Variants in EPM2A observed in about 807,000 individuals in gnomAD.
EPM2A encodes the protein EPM2A glucan phosphatase, laforin.
EPM2A carries 21 observed loss-of-function variants against 26.5 expected under a neutral mutation model. That is an observed-to-expected ratio of 0.79 (90% CI 0.56 to 1.14). The LOEUF is 1.14. Ranked by LOEUF, EPM2A falls within the 50% of genes most tolerant of loss-of-function variation. EPM2A has a pLI of 0.00. For missense variants in EPM2A, 458 were observed against 440.8 expected, an observed-to-expected ratio of 1.04 and a Z score of -0.35; for synonymous variants, 217 against 177.6, an observed-to-expected ratio of 1.22 and a Z score of -1.76.
In EPM2A at chr6:145,586,820, GC is replaced by G. The variant is rs554033655; in HGVS notation, c.340+48424del. ...AGATATGTCTTCAACCCAAAAAAATGCATTCTGCTTACTCTACTTAAAACGA... is the reference window on the plus strand; with the variant it reads ...AGATATGTCTTCAACCCAAAAAAATGATTCTGCTTACTCTACTTAAAACGA... On this transcript the variant is annotated intron_variant, in intron 2 of 3. Coordinates refer to the EPM2A transcript ENST00000450221. Among the ~76,000 whole-genome samples the G allele has an allele frequency of 1.6e-4, 24 of 152,236 alleles. No homozygotes were observed. The South Asian group carries it at 3.5e-3, about 22-fold the overall frequency.
intron 2 of EPM2A, among the ~76,000 whole-genome samples, chr6:145,506,825 A>G (rs1779981946): frequency 6.6e-6 from 1 of 152,178 alleles, no homozygotes; most frequent in Non-Finnish European, 1.5e-5. Context: ...CCTATTTCTG[A>G]TCTTGTTTCA....
At chr6:145,683,366 A>G (rs1294639767) in intron 2 of EPM2A, among the ~76,000 whole-genome samples, 1 of 146,170 alleles carries the variant, frequency 6.8e-6, no homozygotes, top group Non-Finnish European at 1.5e-5. Context: ...TATATTATTT[A>G]TTATTTTAAT....
intron 4 of EPM2A, among the ~76,000 whole-genome samples, chr6:145,469,154 A>T (rs1045288783): frequency 5.9e-5 from 9 of 152,102 alleles, no homozygotes; most frequent in African/African-American, 1.9e-4. Context: ...CACCCTCTTT[A>T]CAAGGCAGCA....
At chr6:145,384,957 G>A (rs1469272582) in intron 4 of EPM2A, among the ~76,000 whole-genome samples, 1 of 147,486 alleles carries the variant, frequency 6.8e-6, no homozygotes, top group Admixed American at 6.9e-5. Context: ...AATCTTATCT[G>A]GAGAAATTGA....
chr6:145,460,978 G>C (rs1252742532), intron 4 of EPM2A, among the ~76,000 whole-genome samples: 2 of 152,110 alleles, frequency 1.3e-5, no homozygotes, highest in South Asian at 2.1e-4. Flanking sequence ...GTAATTAGTG[G>C]TTTTTATTCC....
chr6:145,612,707 T>C (rs1311048966), intron 2 of EPM2A, among the ~76,000 whole-genome samples: 1 of 148,166 alleles, frequency 6.7e-6, no homozygotes, highest in Non-Finnish European at 1.5e-5. Flanking sequence ...AAGAGTACAA[T>C]ATTATTTATA....
Position 145,408,179 on chromosome 6 carries a change from C to T in EPM2A, c.556-24082G>A, listed in dbSNP as rs143703381. 4.6e-5 allele frequency among the ~76,000 whole-genome samples: 7 copies of T among 152,240 alleles called. No individual in the cohort carries two copies. In the East Asian group the frequency reaches 9.7e-4, roughly 21 times the overall value. ...TACTGCACACCATTGGGGTTATTTG[C>T]TATTATACAAATAACACTGCATTTT... On this transcript the variant is annotated intron_variant, in intron 4 of 4. Transcript: ENST00000638717.
intron 4 of EPM2A, among the ~76,000 whole-genome samples, chr6:145,438,366 T>C (rs1779016306): frequency 6.6e-6 from 1 of 152,174 alleles, no homozygotes; most frequent in South Asian, 2.1e-4. Flanking sequence ...GCTATTATAT[T>C]CTGAGTCTGG....
intron 4 of EPM2A, among the ~76,000 whole-genome samples, chr6:145,475,837 C>T (rs1441053583): frequency 6.6e-6 from 1 of 151,562 alleles, no homozygotes; most frequent in Non-Finnish European, 1.5e-5. Context: ...ATAATATCAC[C>T]AGAGAAAATC....
intron 4 of EPM2A, among the ~76,000 whole-genome samples, chr6:145,444,170 C>A (rs564861950): frequency 6.6e-6 from 1 of 152,136 alleles, no homozygotes; most frequent in Non-Finnish European, 1.5e-5. Flanking sequence ...ACATCTTTGA[C>A]TTGTTCTGAT....
intron 2 of EPM2A, among the ~76,000 whole-genome samples, chr6:145,527,338 C>T (rs1236880110): frequency 1.3e-5 from 2 of 151,984 alleles, no homozygotes; most frequent in African/African-American, 2.4e-5. Context: ...TATACAATTT[C>T]TTTATTGGTT....
rs569070519 is a variant in EPM2A at position 145,656,217 on chromosome 6, T to G, written c.477-20731A>C. Among the ~76,000 whole-genome samples the G allele has an allele frequency of 3.9e-5, 6 of 152,324 alleles. No homozygotes were observed. The East Asian group carries it at 7.7e-4, about 20-fold the overall frequency. ...CTAAACTAGCAAGTAGCTAATCACA[T>G]TTTGAATAAAGCATCTAAGAGAGAA... On this transcript the variant is annotated intron_variant, in intron 2 of 3. Transcript: ENST00000367519.
intron 4 of EPM2A, among the ~76,000 whole-genome samples, chr6:145,425,791 T>C (rs374409972): frequency 4.5e-4 from 69 of 152,338 alleles, no homozygotes; most frequent in African/African-American, 1.6e-3. Context: ...GGTAGCACTG[T>C]GTGATTGCTT....
At chr6:145,723,245 A>T (rs574824516) in intron 1 of EPM2A, among the ~76,000 whole-genome samples, 2 of 152,296 alleles carry the variant, frequency 1.3e-5, no homozygotes, top group African/African-American at 4.8e-5. Context: ...TAGAAGGCTG[A>T]ATTTATGGCC....
intron 2 of EPM2A, among the ~76,000 whole-genome samples, chr6:145,570,891 T>C (rs1168238890): frequency 1.3e-5 from 2 of 152,154 alleles, no homozygotes; most frequent in Non-Finnish European, 2.9e-5. Flanking sequence ...ATATTCTGGG[T>C]CAATCACCCC....
chr6:145,633,436 G>A (rs1487460328), intron 3 of EPM2A, among the ~76,000 whole-genome samples: 1 of 152,154 alleles, frequency 6.6e-6, no homozygotes, highest in Non-Finnish European at 1.5e-5. Flanking sequence ...CCTTGAAGAA[G>A]GGCAGAGCTC....
chr6:145,474,051 C>T (rs9403706), intron 4 of EPM2A, among the ~76,000 whole-genome samples: 68,080 of 151,980 alleles, frequency 0.45, 15,919 homozygotes, highest in Non-Finnish European at 0.52. Flanking sequence ...GTGTAAATTA[C>T]TCTTATCCGA....
chr6:145,412,569 C>T (rs374063701), intron 4 of EPM2A, among the ~76,000 whole-genome samples: 45 of 152,140 alleles, frequency 3.0e-4, no homozygotes, highest in African/African-American at 1.0e-3. Flanking sequence ...ATTGTTCTGG[C>T]CAAAAATCAA....
chr6:145,729,264 G>A (rs1211189564), intron 1 of EPM2A, among the ~76,000 whole-genome samples: 1 of 152,174 alleles, frequency 6.6e-6, no homozygotes, highest in Non-Finnish European at 1.5e-5. Flanking sequence ...GTTCCCACTG[G>A]GGCACTGCCT....
Sources: gnomAD v4.1 joint callset for allele counts (sites outside exome capture counted in the v4.1 genomes callset) on GRCh38, gnomAD v4.1.1 for gene constraint, MANE v1.5 for transcripts, NCBI Gene and HGNC (gene_info 2026-07-23, HGNC 2026-07-21) for gene names.